Variants in AKAP6 observed in about 807,000 individuals in gnomAD.
The protein encoded by AKAP6 is A-kinase anchoring protein 6.
A neutral mutation model predicts 188.5 loss-of-function variants in AKAP6; 58 were observed. That is an observed-to-expected ratio of 0.31 (90% CI 0.25 to 0.38). The LOEUF (loss-of-function observed/expected upper bound fraction) is 0.38, where lower values mean the gene tolerates loss of function less well. Ranked by LOEUF, AKAP6 falls within the 10% of genes least tolerant of loss-of-function variation. AKAP6 has a pLI of 1.00. For missense variants in AKAP6, 2,710 were observed against 2,740.0 expected, an observed-to-expected ratio of 0.99 and a Z score of 0.24; for synonymous variants, 989 against 998.6, an observed-to-expected ratio of 0.99 and a Z score of 0.18.
chr14:32,585,034 T>TG (rs1885167964), intron 5 of AKAP6, among the ~76,000 whole-genome samples: 2 of 151,194 alleles, frequency 1.3e-5, no homozygotes, highest in African/African-American at 2.4e-5. Context: ...GGTAACTAGT[T>TG]TTTTTTTTTC....
chr14:32,335,497 T>C (rs1368425165), intron 1 of AKAP6, among the ~76,000 whole-genome samples: 2 of 152,098 alleles, frequency 1.3e-5, no homozygotes, highest in Non-Finnish European at 2.9e-5. Context: ...GGGACCATTG[T>C]CAAAACAACC....
At chr14:32,614,912 T>A (rs920870966) in intron 7 of AKAP6, among the ~76,000 whole-genome samples, 2 of 151,904 alleles carry the variant, frequency 1.3e-5, no homozygotes, top group African/African-American at 4.8e-5. Flanking sequence ...GGCTCACACC[T>A]GTTATCCCAG....
intron 11 of AKAP6, among the ~76,000 whole-genome samples, chr14:32,745,317 C>T (rs2031849651): frequency 6.6e-6 from 1 of 152,132 alleles, no homozygotes; most frequent in South Asian, 2.1e-4. Context: ...AGGGAGCACC[C>T]TAAACCCAGT....
At chr14:32,769,304 T>A (rs2032824915) in intron 11 of AKAP6, among the ~76,000 whole-genome samples, 1 of 151,954 alleles carries the variant, frequency 6.6e-6, no homozygotes, top group South Asian at 2.1e-4. Flanking sequence ...TGCCTCCTCC[T>A]CCCACAGTGC....
At chr14:32,467,355 G>T (rs1013820736) in intron 2 of AKAP6, among the ~76,000 whole-genome samples, 1 of 152,084 alleles carries the variant, frequency 6.6e-6, no homozygotes, top group Non-Finnish European at 1.5e-5. Context: ...AACAAGATTG[G>T]ACAACAGTTA....
chr14:32,708,860 T>G (rs527971736), intron 9 of AKAP6, among the ~76,000 whole-genome samples: 2 of 152,118 alleles, frequency 1.3e-5, no homozygotes, highest in South Asian at 4.2e-4. Context: ...TTTGAAAATA[T>G]GCATGATAAA....
In AKAP6 at chr14:32,475,989, T is replaced by A. The variant is rs189667415; in HGVS notation, c.324+42172T>A. The stretch of plus-strand genomic sequence containing the variant: ...TGAGCCACTGCGCCTGGCCTTCAGC[T>A]CTTTTAACTACTCATAAAAATGTTT... On this transcript the variant is annotated intron_variant, in intron 2 of 13. Transcript: ENST00000280979. Among the ~76,000 whole-genome samples the A allele has an allele frequency of 2.1e-3, 318 of 152,220 alleles. 3 individuals carry two copies. Among genetic ancestry groups the A allele is most frequent in the African/African-American group, 7.3e-3 (303 of 41,544 alleles).
chr14:32,506,676 G>A (rs930625369), intron 2 of AKAP6, among the ~76,000 whole-genome samples: 1 of 151,992 alleles, frequency 6.6e-6, no homozygotes, highest in South Asian at 2.1e-4. Context: ...GGGATTACAG[G>A]CACCTGCTAC....
chr14:32,623,049 C>T (rs1184877950), intron 7 of AKAP6, among the ~76,000 whole-genome samples: 2 of 152,084 alleles, frequency 1.3e-5, no homozygotes, highest in Non-Finnish European at 2.9e-5. Flanking sequence ...ATGCCTTCCA[C>T]ACACTATCCT....
At chr14:32,463,591 A>G (rs1878212633) in intron 2 of AKAP6, among the ~76,000 whole-genome samples, 1 of 152,240 alleles carries the variant, frequency 6.6e-6, no homozygotes, top group South Asian at 2.1e-4. Context: ...TCTGGGCCAC[A>G]TCTAAAGCAG....
At chr14:32,826,534 GA>G (rs1276317722) in intron 13 of AKAP6, among the ~76,000 whole-genome samples, 4 of 152,150 alleles carry the variant, frequency 2.6e-5, no homozygotes, top group Non-Finnish European at 5.9e-5. Context: ...ATAAAGGCTT[GA>G]AAGCAACACC....
intron 12 of AKAP6, among the ~76,000 whole-genome samples, chr14:32,820,621 C>T (rs927904143): frequency 1.3e-5 from 2 of 151,944 alleles, no homozygotes; most frequent in Non-Finnish European, 2.9e-5. Context: ...AAGTAGTGAG[C>T]CAAGTTAACA....
At chr14:32,341,317 C>A (rs1339357891) in intron 1 of AKAP6, among the ~76,000 whole-genome samples, 1 of 152,166 alleles carries the variant, frequency 6.6e-6, no homozygotes, top group African/African-American at 2.4e-5. Context: ...TGTAGACATT[C>A]ACATAAAATA....
intron 7 of AKAP6, among the ~76,000 whole-genome samples, chr14:32,617,563 C>CT (rs572056225): frequency 1.3e-5 from 2 of 152,176 alleles, no homozygotes; most frequent in Non-Finnish European, 2.9e-5. Context: ...GAACAAAATG[C>CT]TTGTTGAGTG....
intron 1 of AKAP6, among the ~76,000 whole-genome samples, chr14:32,369,300 ACCT>A (rs1424435741): frequency 6.6e-6 from 1 of 152,102 alleles, no homozygotes; most frequent in East Asian, 1.9e-4. Context: ...CACCAAAAAA[ACCT>A]CCTTCCAGAC....
At chr14:32,420,909 T>TTTGTGTGTGTG (rs1555327187) in intron 1 of AKAP6, among the ~76,000 whole-genome samples, 1 of 146,410 alleles carries the variant, frequency 6.8e-6, no homozygotes, top group Admixed American at 6.9e-5. Context: ...GGAGATTGAT[T>TTTGTGTGTGTG]TGTGTGTGTG....
chr14:32,535,220 C>G (rs1377145379), intron 2 of AKAP6, among the ~76,000 whole-genome samples: 2 of 152,142 alleles, frequency 1.3e-5, no homozygotes, highest in African/African-American at 4.8e-5. Context: ...CACTGGTTCC[C>G]TTCCAGAATA....
chr14:32,345,187 C>T (rs186812013), intron 1 of AKAP6, among the ~76,000 whole-genome samples: 1 of 152,222 alleles, frequency 6.6e-6, no homozygotes, highest in East Asian at 1.9e-4. Context: ...AAGGGAAATT[C>T]CATATTTTAA....
At position 32,824,526 on chromosome 14, in the gene AKAP6, G is replaced by T. The variant is rs1351137458; in HGVS notation, c.6713G>T (p.Cys2238Phe). The change falls in exon 13 of 14, where the codon TGT becomes TTT. Residue 2238 changes from cysteine to phenylalanine, a missense_variant. Physicochemically the swap from Cys to Phe is radical, Grantham distance 205 (BLOSUM62 -2). This residue lies in a region of AKAP6 where 2,473 missense variants were observed against 2,426.1 expected (regional missense o/e 1.02). Transcript: ENST00000280979. ...VNGLPQTSSG[C>F]AENLEFTPSK... ...GGTTTGCCCCAAACTTCCAGTGGCTGTGCAGAAAACTTAGAGTTTACTCCT... is the reference window on the plus strand; with the variant it reads ...GGTTTGCCCCAAACTTCCAGTGGCTTTGCAGAAAACTTAGAGTTTACTCCT... 1 of 1,613,932 alleles carries T rather than the reference G, an allele frequency of 6.2e-7. No individual in the cohort carries two copies.
Sources: gnomAD v4.1 joint callset for allele counts (sites outside exome capture counted in the v4.1 genomes callset) on GRCh38, gnomAD v4.1.1 for gene constraint, gnomAD v4.1.1 regional missense constraint, MANE v1.5 for transcripts, NCBI Gene and HGNC (gene_info 2026-07-23, HGNC 2026-07-21) for gene names.